Variants in SCN9A observed in about 807,000 individuals in gnomAD.
SCN9A encodes sodium channel protein type 9 subunit alpha.
SCN9A carries 131 observed loss-of-function variants against 187.0 expected under a neutral mutation model. The observed-to-expected ratio is 0.70, with a 90% CI of 0.61 to 0.81. The LOEUF (loss-of-function observed/expected upper bound fraction) is 0.81. Among genes scored for constraint, SCN9A ranks in the 30% least tolerant of loss-of-function variants. SCN9A has a pLI of 0.00. For missense variants in SCN9A, 2,252 were observed against 2,396.6 expected (o/e 0.94, Z 1.26); for synonymous variants, 809 against 808.6 (o/e 1.00, Z -0.01).
At position 166,320,497 on chromosome 2, in the gene SCN9A, G is replaced by A. The variant is rs545769534; in HGVS notation, c.-50-8691C>T. 7.6e-4 allele frequency among the ~76,000 whole-genome samples: 115 copies of A among 152,076 alleles called. 1 individual carries two copies. Among genetic ancestry groups the A allele is most frequent in the African/African-American group, 2.5e-3 (103 of 41,500 alleles). On this transcript the variant is annotated intron_variant, in intron 1 of 26. Coordinates refer to ENST00000642356, the MANE Select transcript of SCN9A (RefSeq NM_001365536.1). ...TTTTATTAATATTTCTTCTTCAAGG[G>A]ACCATCTGACACACTGCAAACACTC...
At chr2:166,294,243 T>G (rs533947313) in intron 8 of SCN9A, among the ~76,000 whole-genome samples, 2 of 152,300 alleles carry the variant, frequency 1.3e-5, no homozygotes, top group Non-Finnish European at 2.9e-5. Context: ...TGAGTGGAAC[T>G]TGGGAGTAGA....
At chr2:166,287,847 T>C (rs1697841702) in intron 10 of SCN9A, among the ~76,000 whole-genome samples, 1 of 151,664 alleles carries the variant, frequency 6.6e-6, no homozygotes, top group African/African-American at 2.4e-5. Flanking sequence ...GTTTTAGTCA[T>C]ACCCCATAGA....
Position 166,258,723 on chromosome 2 carries a change from G to A in SCN9A, c.3352-6838C>T, listed in dbSNP as rs971923139. Among the ~76,000 whole-genome samples the A allele has an allele frequency of 4.0e-5, 6 of 151,506 alleles. No individual in the cohort carries two copies. The East Asian group carries it at 5.8e-4, about 15-fold the overall frequency. Reference sequence around the variant, plus strand: ...CATAACCAGAATTATTAAATACAAAGCTAGAATTACAATGATCTTTTCCTG... The same window carrying A: ...CATAACCAGAATTATTAAATACAAAACTAGAATTACAATGATCTTTTCCTG... On this transcript the variant is annotated intron_variant, in intron 17 of 26. Coordinates refer to ENST00000642356, the MANE Select transcript of SCN9A (RefSeq NM_001365536.1).
intron 1 of SCN9A, among the ~76,000 whole-genome samples, chr2:166,316,769 T>C (rs893478608): frequency 7.9e-5 from 12 of 152,196 alleles, no homozygotes; most frequent in African/African-American, 2.9e-4. Flanking sequence ...ACACGTGAAT[T>C]CGTTTATATT....
chr2:166,253,714 A>T (rs1354590623), intron 17 of SCN9A, among the ~76,000 whole-genome samples: 1 of 151,772 alleles, frequency 6.6e-6, no homozygotes, highest in African/African-American at 2.4e-5. Flanking sequence ...GAAGTGAAAG[A>T]CAAGGCCCTA....
chr2:166,347,181 C>T (rs1183239482), intron 1 of SCN9A, among the ~76,000 whole-genome samples: 1 of 152,150 alleles, frequency 6.6e-6, no homozygotes, highest in Non-Finnish European at 1.5e-5. Flanking sequence ...GGCACTGGTC[C>T]ATCACTCTTG....
chr2:166,263,869 C>T (rs1696618780), intron 17 of SCN9A, among the ~76,000 whole-genome samples: 1 of 151,906 alleles, frequency 6.6e-6, no homozygotes, highest in Non-Finnish European at 1.5e-5. Flanking sequence ...CCAACAACCT[C>T]CAAAGTTAGA....
intron 21 of SCN9A, among the ~76,000 whole-genome samples, chr2:166,229,309 C>A (rs1021781947): frequency 1.3e-5 from 2 of 151,444 alleles, no homozygotes; most frequent in Non-Finnish European, 2.9e-5. Context: ...AAACCAAAAC[C>A]TGTTATTGAT....
intron 15 of SCN9A, 194 bp downstream of exon 15, chr2:166,277,946 T>C (rs1697310482): frequency 4.0e-6 from 2 of 503,946 alleles, no homozygotes; most frequent in Non-Finnish European, 6.8e-6. Context: ...GAGCATGTCT[T>C]CAAAAATTGT....
intron 7 of SCN9A, chr2:166,302,336 G>A (rs918282703): frequency 1.3e-5 from 2 of 152,178 alleles, no homozygotes; most frequent in African/African-American, 4.8e-5. Flanking sequence ...TTCAATTCAT[G>A]CTTTATGTAA....
chr2:166,312,768 T>A (rs1019786810), intron 1 of SCN9A, among the ~76,000 whole-genome samples: 1 of 151,974 alleles, frequency 6.6e-6, no homozygotes, highest in Non-Finnish European at 1.5e-5. Context: ...TTAGAGCTCT[T>A]GAGTGACCAG....
At chr2:166,345,291 T>C (rs974583376) in intron 1 of SCN9A, among the ~76,000 whole-genome samples, 6 of 126,698 alleles carry the variant, frequency 4.7e-5, no homozygotes, top group Non-Finnish European at 8.3e-5. Context: ...TAGTACTGAA[T>C]TGTGGTGTGC....
chr2:166,364,478 A>C (rs1342745551), intron 1 of SCN9A, among the ~76,000 whole-genome samples: 1 of 152,208 alleles, frequency 6.6e-6, no homozygotes, highest in Non-Finnish European at 1.5e-5. Context: ...TAAATGCACA[A>C]TAAAATACTA....
At chr2:166,267,765 T>C (rs1440670589) in intron 17 of SCN9A, among the ~76,000 whole-genome samples, 3 of 152,000 alleles carry the variant, frequency 2.0e-5, no homozygotes, top group Admixed American at 2.0e-4. Context: ...GAGTTTTCCA[T>C]TTCTTCATGA....
Position 166,198,819 on chromosome 2 carries a change from G to A in SCN9A, c.5820C>T (p.Asn1940=), listed in dbSNP as rs371454107. The A allele has an allele frequency of 2.5e-6, 4 of 1,613,086 alleles. No individual in the cohort carries two copies. In the African/African-American group the frequency reaches 4.0e-5, roughly 16 times the overall value. ...TGGCATCTGTTTTTTCTGGACTTGA[G>A]TTCTCATTAACATTATCAAAAGCCA... ...KDMAFDNVNE[N]SSPEKTDATS... The change falls in exon 27 of 27, where the codon AAC becomes AAT. Residue 1940 remains asparagine (N), a synonymous_variant. Coordinates refer to ENST00000642356, the MANE Select transcript of SCN9A (RefSeq NM_001365536.1).
chr2:166,282,263 T>C (rs1157498502), intron 12 of SCN9A, among the ~76,000 whole-genome samples: 1 of 152,156 alleles, frequency 6.6e-6, no homozygotes, highest in African/African-American at 2.4e-5. Context: ...TTACTTTTTA[T>C]TGAGGGAACA....
At chr2:166,364,307 T>G (rs1273139255) in intron 1 of SCN9A, among the ~76,000 whole-genome samples, 4 of 152,090 alleles carry the variant, frequency 2.6e-5, no homozygotes, top group African/African-American at 7.2e-5. Flanking sequence ...TATCACATGA[T>G]CCAGCAATTC....
At chr2:166,213,732 G>A (rs1231963254) in intron 24 of SCN9A, among the ~76,000 whole-genome samples, 1 of 152,124 alleles carries the variant, frequency 6.6e-6, no homozygotes, top group East Asian at 1.9e-4. Context: ...AGTGACTTCA[G>A]CAACATTGTG....
intron 18 of SCN9A, chr2:166,248,274 C>T (rs1336208789): frequency 6.6e-6 from 1 of 152,108 alleles, no homozygotes; most frequent in Non-Finnish European, 1.5e-5. Context: ...CAATTACCAA[C>T]TTGTAAGTAA....
Sources: gnomAD v4.1 joint callset for allele counts (sites outside exome capture counted in the v4.1 genomes callset) on GRCh38, gnomAD v4.1.1 for gene constraint, MANE v1.5 for transcripts, NCBI Gene and HGNC (gene_info 2026-07-23, HGNC 2026-07-21) for gene names.